PFDN4: variants seen among roughly 807,000 people sequenced by gnomAD.
PFDN4 encodes the protein prefoldin subunit 4, also known as prefoldin 4.
PFDN4 carries 6 observed loss-of-function variants against 17.6 expected under a neutral mutation model. The observed-to-expected ratio is 0.34, with a 90% confidence interval of 0.19 to 0.67. PFDN4 has a LOEUF of 0.67. Ranked by LOEUF, PFDN4 falls within the 30% of genes least tolerant of loss-of-function variation. The pLI is 0.68. For missense variants in PFDN4, 119 were observed against 158.4 expected, an observed-to-expected ratio of 0.75 and a Z score of 1.33; for synonymous variants, 48 against 51.1, an observed-to-expected ratio of 0.94 and a Z score of 0.26.
rs2092767097 is a variant in PFDN4 at position 54,219,557 on chromosome 20, T to G, written c.*407T>G. ...CGATGAAAAGATGTACAATCCTGCA[T>G]CCTTGCTTATTTCACAACTAAAGCT... On this transcript the variant is annotated 3_prime_UTR_variant, in exon 4 of 4. Transcript: ENST00000371419. 2.5e-6 allele frequency: 1 copy of G among 393,272 alleles called. No individual in the cohort carries two copies. Among genetic ancestry groups the G allele is most frequent in the Non-Finnish European group, 4.5e-6 (1 of 223,746 alleles). The allele number at this position is 393,272 out of a possible 1,614,324, so 24.4% of individuals were successfully genotyped here. A position where few individuals can be genotyped will look rare whatever the true frequency, so the allele number is the denominator to read the frequency against.
intron 1 of PFDN4, 27 bp from the exon 2 acceptor site, chr20:54,214,324 T>G: frequency 7.8e-7 from 1 of 1,286,224 alleles, no homozygotes; most frequent in Non-Finnish European, 1.1e-6. Flanking sequence ...CGTTAAAATT[T>G]TACAAAAACT....
At chr20:54,213,923 C>T (rs754128154) in intron 1 of PFDN4, among the ~76,000 whole-genome samples, 1 of 151,896 alleles carries the variant, frequency 6.6e-6, no homozygotes, top group Non-Finnish European at 1.5e-5. Flanking sequence ...AGCCAGTAAG[C>T]TCATGCAAGT....
At chr20:54,216,718 G>C (rs150433131) in intron 3 of PFDN4, among the ~76,000 whole-genome samples, 1,879 of 151,980 alleles carry the variant, frequency 0.012, 19 homozygotes, top group Middle Eastern at 0.037. Flanking sequence ...GTGCAATGGC[G>C]CAATCTCGGC....
At position 54,219,102 on chromosome 20, in the gene PFDN4, G is replaced by A. The variant is rs758033819; in HGVS notation, c.357G>A (p.Leu119=). The A allele has an allele frequency of 6.3e-7, 1 of 1,592,456 alleles. No homozygotes were observed. The highest frequency in any genetic ancestry group is 2.3e-5 in the East Asian group (1 of 43,980). The change falls in exon 4 of 4, where the codon TTG becomes TTA. Residue 119 remains leucine (L), a synonymous_variant. Transcript: ENST00000371419. The part of the protein sequence containing the change: ...QRVLADLKVQ[L]YAKFGSNINL... Reference sequence around the variant, plus strand: ...TGTTAGCAGATTTGAAAGTTCAGTTGTATGCAAAATTCGGGAGCAACATAA... The same window carrying A: ...TGTTAGCAGATTTGAAAGTTCAGTTATATGCAAAATTCGGGAGCAACATAA...
rs1221330421 is a variant in PFDN4, at chr20:54,208,095, C to T, written c.-6C>T. 2 of 1,553,098 alleles carry T rather than the reference C, an allele frequency of 1.3e-6. No individual in the cohort carries two copies. Among genetic ancestry groups the T allele is most frequent in the Non-Finnish European group, 1.7e-6 (2 of 1,149,056 alleles). On this transcript the variant is annotated 5_prime_UTR_variant, in exon 1 of 4. Transcript: ENST00000371419. ...TCCCCGCCGCCTGCGGTAGTCCAGT[C>T]CCAAGATGGCGGCCACCATGAAGAA...
At chr20:54,211,401 A>G (rs1014306521) in intron 1 of PFDN4, among the ~76,000 whole-genome samples, 1 of 152,174 alleles carries the variant, frequency 6.6e-6, no homozygotes, top group Admixed American at 6.5e-5. Flanking sequence ...TTCTTTCTAG[A>G]TCTGGATCTG....
intron 1 of PFDN4, among the ~76,000 whole-genome samples, chr20:54,211,236 G>A (rs993322286): frequency 2.0e-5 from 3 of 152,202 alleles, no homozygotes; most frequent in Non-Finnish European, 4.4e-5. Flanking sequence ...TGCAGACTCC[G>A]TGTAATACCT....
chr20:54,214,028 A>G (rs1216116410), intron 1 of PFDN4, among the ~76,000 whole-genome samples: 1 of 152,154 alleles, frequency 6.6e-6, no homozygotes, highest in African/African-American at 2.4e-5. Context: ...TAATGAAAGA[A>G]TGCTCCAACT....
rs1262155858 is a variant in PFDN4 at position 54,210,302 on chromosome 20, C to T, written c.24+2178C>T. 3.9e-5 allele frequency among the ~76,000 whole-genome samples: 6 copies of T among 152,192 alleles called. No homozygotes were observed. In the South Asian group the frequency reaches 1.2e-3, roughly 31 times the overall value. ...AGAGTCACATGATAGATGCAGTGTCCTCCTGTAGATGTTTCCAGTGTTAGG... is the reference window on the plus strand; with the variant it reads ...AGAGTCACATGATAGATGCAGTGTCTTCCTGTAGATGTTTCCAGTGTTAGG... On this transcript the variant is annotated intron_variant, in intron 1 of 3. Coordinates refer to ENST00000371419, the MANE Select transcript of PFDN4 (RefSeq NM_002623.4).
Position 54,215,314 on chromosome 20 carries a change from C to T in PFDN4, c.147C>T (p.Asn49=). The T allele has an allele frequency of 6.3e-7, 1 of 1,587,370 alleles. No individual in the cohort carries two copies. Among genetic ancestry groups the T allele is most frequent in the South Asian group, 1.2e-5 (1 of 85,048 alleles). The change falls in exon 3 of 4, where the codon AAC becomes AAT. Residue 49 remains asparagine (N), a synonymous_variant. Transcript: ENST00000371419. ...EIEVKKKQLQ[N]LEDACDDIML... ...TGCATTTATAGAAACAACTCCAAAACCTAGAAGATGCTTGTGATGACATCA... is the reference window on the plus strand; with the variant it reads ...TGCATTTATAGAAACAACTCCAAAATCTAGAAGATGCTTGTGATGACATCA...
intron 3 of PFDN4, among the ~76,000 whole-genome samples, chr20:54,215,661 G>C (rs2092761598): frequency 6.6e-6 from 1 of 152,148 alleles, no homozygotes. Context: ...AGAGGTTATG[G>C]GATTTATTCA....
intron 1 of PFDN4, among the ~76,000 whole-genome samples, chr20:54,209,731 T>C (rs1167827035): frequency 6.6e-6 from 1 of 152,224 alleles, no homozygotes; most frequent in Admixed American, 6.5e-5. Context: ...GATTTGAACC[T>C]TGGATTTTGA....
intron 1 of PFDN4, chr20:54,208,781 C>T (rs561448759): frequency 6.6e-6 from 1 of 152,302 alleles, no homozygotes; most frequent in Non-Finnish European, 1.5e-5. Flanking sequence ...GGCCGTTTAT[C>T]TGTTATCCTC....
intron 1 of PFDN4, among the ~76,000 whole-genome samples, chr20:54,210,869 T>C (rs1224214945): frequency 2.0e-5 from 3 of 152,244 alleles, no homozygotes; most frequent in Non-Finnish European, 4.4e-5. Context: ...CTTGTCACAG[T>C]GCATGGCGTA....
chr20:54,215,402 T>C lies in PFDN4; in HGVS notation c.235T>C (p.Ser79Pro), dbSNP rs1386245117. ...AATTGGTGATGTCTTCATTAGCCAT[T>C]CTCAAGAAGAAACGCAAGAAATGTT... is the stretch of plus-strand genomic sequence containing the variant. The part of the protein sequence containing the change: ...YQIGDVFISH[S>P]QEETQEMLEE... The change falls in exon 3 of 4, where the codon TCT (serine) becomes CCT (proline). Residue 79 changes from serine (S) to proline (P), a missense_variant. Around this residue, in one of 3 missense-constraint regions of PFDN4, gnomAD observed 81 missense variants for 111.7 expected, o/e 0.73. Coordinates refer to ENST00000371419, the MANE Select transcript of PFDN4 (RefSeq NM_002623.4). 4 of 1,604,390 alleles carry C rather than the reference T, an allele frequency of 2.5e-6. No homozygotes were observed. The highest frequency in any genetic ancestry group is 3.4e-6 in the Non-Finnish European group (4 of 1,174,264).
rs1387127706 is a variant in PFDN4 at position 54,208,355 on chromosome 20, G to A, written c.24+231G>A. Reference sequence around the variant, plus strand: ...CGGGGCGCCGGGGCTGGGGCCGGGAGCCTCGAAGGACGCAGGTCCGCCTCC... The same window carrying A: ...CGGGGCGCCGGGGCTGGGGCCGGGAACCTCGAAGGACGCAGGTCCGCCTCC... On this transcript the variant is annotated intron_variant, in intron 1 of 3. Coordinates refer to ENST00000371419, the MANE Select transcript of PFDN4 (RefSeq NM_002623.4). 6.9e-6 allele frequency: 3 copies of A among 437,056 alleles called. 1 individual carries two copies. The highest frequency in any genetic ancestry group is 7.6e-5 in the East Asian group (2 of 26,420). The allele number at this position is 437,056 out of a possible 1,614,324, so 27.1% of individuals were successfully genotyped here.
chr20:54,214,794 G>T (rs1399510362), intron 2 of PFDN4, among the ~76,000 whole-genome samples: 1 of 152,274 alleles, frequency 6.6e-6, no homozygotes, highest in East Asian at 1.9e-4. Context: ...AGCTGCTGCT[G>T]CCAGTGCCAC....
intron 1 of PFDN4, among the ~76,000 whole-genome samples, chr20:54,209,533 G>C (rs779362555): frequency 2.0e-5 from 3 of 152,184 alleles, no homozygotes; most frequent in African/African-American, 7.2e-5. Flanking sequence ...GGGCCATGGT[G>C]ATTCAAAAAA....
chr20:54,211,812 A>C (rs996684844), intron 1 of PFDN4, among the ~76,000 whole-genome samples: 2 of 152,204 alleles, frequency 1.3e-5, no homozygotes, highest in African/African-American at 4.8e-5. Context: ...AGAAGGATGC[A>C]CATACTATAC....
Sources: allele counts gnomAD v4.1 joint callset (sites outside exome capture counted in the v4.1 genomes callset), GRCh38; gene constraint gnomAD v4.1.1; regional missense constraint gnomAD v4.1.1; transcripts MANE v1.5; gene names NCBI Gene and HGNC (gene_info 2026-07-23, HGNC 2026-07-21).